The following SIMC1 variants were observed in gnomAD, a reference collection of about 807,000 sequenced individuals.
SIMC1 encodes the protein SUMO-interacting motif-containing protein 1.
A neutral mutation model predicts 82.3 loss-of-function variants in SIMC1; 55 were observed. That is an observed-to-expected ratio of 0.67 (90% CI 0.54 to 0.84). SIMC1 has a LOEUF of 0.84. Ranked by LOEUF, SIMC1 falls within the 40% of genes least tolerant of loss-of-function variation. SIMC1 has a pLI of 0.00. For missense variants in SIMC1, 915 were observed against 1,107.2 expected, an observed-to-expected ratio of 0.83 and a Z score of 2.46; for synonymous variants, 353 against 426.3, an observed-to-expected ratio of 0.83 and a Z score of 2.12.
At chr5:176,343,590 A>G (rs1766249172) in intron 9 of SIMC1, among the ~76,000 whole-genome samples, 1 of 152,158 alleles carries the variant, frequency 6.6e-6, no homozygotes, top group Non-Finnish European at 1.5e-5. Context: ...ATTAGCTTCT[A>G]AGATTTTGAC....
At chr5:176,294,521 C>G (rs371105702) in intron 2 of SIMC1, among the ~76,000 whole-genome samples, 24 of 151,148 alleles carry the variant, frequency 1.6e-4, no homozygotes, top group African/African-American at 5.1e-4. Context: ...TCAAGCAGTT[C>G]TCCTGCCTTG....
intron 1 of SIMC1, among the ~76,000 whole-genome samples, chr5:176,275,380 A>G (rs945204455): frequency 2.6e-5 from 4 of 151,788 alleles, no homozygotes; most frequent in Admixed American, 6.6e-5. Context: ...GGTCTGAGAC[A>G]ATGGGCTTTT....
chr5:176,335,891 T>G (rs1310176721), intron 7 of SIMC1, among the ~76,000 whole-genome samples: 1 of 151,728 alleles, frequency 6.6e-6, no homozygotes, highest in Non-Finnish European at 1.5e-5. Context: ...AAAAAAATAA[T>G]AATTAGCCAG....
rs551942100 is a variant in SIMC1, at chr5:176,241,637, T to C, written c.129+3000T>C. 1.9e-4 allele frequency among the ~76,000 whole-genome samples: 29 copies of C among 152,086 alleles called. 1 individual carries two copies. The highest frequency in any genetic ancestry group is 6.5e-4 in the African/African-American group (27 of 41,360). On this transcript the variant is annotated intron_variant, in intron 1 of 9. Coordinates refer to ENST00000429602, the MANE Select transcript of SIMC1 (RefSeq NM_001308195.2). ...GCAGTTGAAAATTTACATGTAACAT[T>C]TGACTCCTCGAAAACTTAACTACCA... is the stretch of plus-strand genomic sequence containing the variant.
intron 5 of SIMC1, among the ~76,000 whole-genome samples, chr5:176,321,747 A>C (rs1346603273): frequency 1.3e-5 from 2 of 152,164 alleles, no homozygotes; most frequent in African/African-American, 2.4e-5. Flanking sequence ...GCTGGCAAGG[A>C]CTTCTGTGGT....
At chr5:176,275,199 G>T (rs1297068048) in intron 1 of SIMC1, among the ~76,000 whole-genome samples, 1 of 151,652 alleles carries the variant, frequency 6.6e-6, no homozygotes. Context: ...CACGTCCCTT[G>T]TAAGTTGGAT....
At chr5:176,286,345 C>T (rs1763282517) in intron 1 of SIMC1, among the ~76,000 whole-genome samples, 1 of 152,254 alleles carries the variant, frequency 6.6e-6, no homozygotes, top group Non-Finnish European at 1.5e-5. Flanking sequence ...CATCTACAAC[C>T]ATCTGATCTT....
intron 1 of SIMC1, among the ~76,000 whole-genome samples, chr5:176,283,004 C>T (rs537247223): frequency 1.3e-5 from 2 of 152,260 alleles, no homozygotes; most frequent in African/African-American, 4.8e-5. Flanking sequence ...AACAAAGCCT[C>T]CAAGAAATAT....
intron 2 of SIMC1, among the ~76,000 whole-genome samples, chr5:176,291,304 C>T (rs555905760): frequency 2.0e-5 from 3 of 149,218 alleles, no homozygotes; most frequent in Admixed American, 6.7e-5. Context: ...GCTGGGACTA[C>T]AGGCGCATGC....
Position 176,324,644 on chromosome 5 carries a change from T to G in SIMC1, c.2058T>G (p.Leu686=). Residue 686 remains leucine (L), a synonymous_variant, in exon 7 of 10, where the codon CTT becomes CTG. Coordinates refer to ENST00000429602, the MANE Select transcript of SIMC1 (RefSeq NM_001308195.2). ...CTGGACTCAGGATTGTGTGCCAGCT[T>G]CAGAGGATGCTCTCCATAGCCGTAG... The part of the protein sequence containing the change: ...KNTNQLIVCQ[L]QRMLSIAVEV... 2 of 1,611,580 alleles carry G rather than the reference T, an allele frequency of 1.2e-6. No homozygotes were observed. Among genetic ancestry groups the G allele is most frequent in the East Asian group, 4.5e-5 (2 of 44,856 alleles).
At chr5:176,271,935 ATAC>A (rs911200879) in intron 1 of SIMC1, among the ~76,000 whole-genome samples, 3 of 144,716 alleles carry the variant, frequency 2.1e-5, no homozygotes, top group Admixed American at 7.1e-5. Context: ...ATTATAATAT[ATAC>A]TATTATATAT....
intron 1 of SIMC1, among the ~76,000 whole-genome samples, chr5:176,287,681 A>T (rs1311417712): frequency 6.6e-6 from 1 of 151,784 alleles, no homozygotes; most frequent in Non-Finnish European, 1.5e-5. Flanking sequence ...GCAAACACTT[A>T]AAAAAATAAA....
intron 1 of SIMC1, among the ~76,000 whole-genome samples, chr5:176,257,311 AT>A (rs1225896267): frequency 2.0e-5 from 3 of 152,088 alleles, no homozygotes; most frequent in Non-Finnish European, 2.9e-5. Flanking sequence ...TTATATAAAA[AT>A]TTTTTTTAAT....
At chr5:176,336,968 C>T in intron 8 of SIMC1, 92 bp downstream of exon 8, 9 of 1,598,398 alleles carry the variant, frequency 5.6e-6, no homozygotes, top group East Asian at 2.2e-5. Flanking sequence ...TAAAACACAA[C>T]TGTTTGAGCA....
chr5:176,336,009 A>C (rs1291337700), intron 7 of SIMC1, among the ~76,000 whole-genome samples: 2 of 146,148 alleles, frequency 1.4e-5, no homozygotes, highest in Non-Finnish European at 3.0e-5. Flanking sequence ...ACACCACTGC[A>C]CTCCAGCCTG....
At chr5:176,272,924 C>A (rs1291388842) in intron 1 of SIMC1, among the ~76,000 whole-genome samples, 1 of 152,302 alleles carries the variant, frequency 6.6e-6, no homozygotes, top group South Asian at 2.1e-4. Flanking sequence ...AGTAGGTAAA[C>A]AAAGCAGCCA....
chr5:176,279,718 C>CAT (rs1762893244), intron 1 of SIMC1, among the ~76,000 whole-genome samples: 1 of 150,982 alleles, frequency 6.6e-6, no homozygotes, highest in Non-Finnish European at 1.5e-5. Flanking sequence ...TTTCTGCCTT[C>CAT]ATTTCGTTAT....
At chr5:176,336,218 C>T (rs184221935) in intron 7 of SIMC1, among the ~76,000 whole-genome samples, 4 of 152,270 alleles carry the variant, frequency 2.6e-5, no homozygotes, top group African/African-American at 9.6e-5. Context: ...CATAGGAAGG[C>T]CACTTCCAGT....
rs545941593 is a variant in SIMC1 at position 176,321,392 on chromosome 5, G to A, written c.1890-881G>A. On this transcript the variant is annotated intron_variant, in intron 5 of 9. Transcript: ENST00000429602. Reference sequence around the variant, plus strand: ...TGGGAGGCGGAGCTTGCAGTGAGCCGAGATCGCACCACTGCACTCCAGCCT... The same window carrying A: ...TGGGAGGCGGAGCTTGCAGTGAGCCAAGATCGCACCACTGCACTCCAGCCT... 8.6e-5 allele frequency among the ~76,000 whole-genome samples: 13 copies of A among 150,698 alleles called. No individual in the cohort carries two copies. The East Asian group carries it at 9.8e-4, about 11-fold the overall frequency.
Sources: allele counts gnomAD v4.1 joint callset (sites outside exome capture counted in the v4.1 genomes callset), GRCh38; gene constraint gnomAD v4.1.1; transcripts MANE v1.5; gene names NCBI Gene and HGNC (gene_info 2026-07-23, HGNC 2026-07-21).